Variants in MLLT10 observed in about 807,000 individuals in gnomAD.
MLLT10 encodes the protein MLLT10 histone lysine methyltransferase DOT1L cofactor.
In MLLT10, 30 loss-of-function variants were observed where a neutral mutation model predicts 129.1. The ratio of observed to expected loss-of-function variants is 0.23; its 90% confidence interval spans 0.17 to 0.32. The LOEUF (loss-of-function observed/expected upper bound fraction) is 0.32. Ranked by LOEUF, MLLT10 falls within the 10% of genes least tolerant of loss-of-function variation. MLLT10 has a pLI of 1.00. For missense variants in MLLT10, 1,119 were observed against 1,268.3 expected (o/e 0.88, Z 1.79); for synonymous variants, 490 against 446.4 (o/e 1.10, Z -1.23).
At chr10:21,606,710 A>G (rs1440399610) in intron 5 of MLLT10, among the ~76,000 whole-genome samples, 1 of 152,234 alleles carries the variant, frequency 6.6e-6, no homozygotes, top group Non-Finnish European at 1.5e-5. Flanking sequence ...TTGAATGTAT[A>G]TCTTCTCATA....
At position 21,670,881 on chromosome 10, in the gene MLLT10, A is replaced by G; in HGVS notation, c.1051+177A>G. ...TAGTGTTTCCTATTAAATTTTTTTAATAGGGACTTTTTCTTTCCTTTTATA... is the reference window on the plus strand; with the variant it reads ...TAGTGTTTCCTATTAAATTTTTTTAGTAGGGACTTTTTCTTTCCTTTTATA... On this transcript the variant is annotated intron_variant, in intron 10 of 22. Coordinates refer to ENST00000307729, the MANE Select transcript of MLLT10 (RefSeq NM_001195626.3). The G allele has an allele frequency of 7.7e-6, 5 of 650,644 alleles. No individual in the cohort carries two copies. In the East Asian group the frequency reaches 1.2e-4, roughly 16 times the overall value. The allele number at this position is 650,644 out of a possible 1,614,324, so 40.3% of individuals were successfully genotyped here.
At chr10:21,741,891 AT>A in intron 22 of MLLT10, 47 bp from the exon 23 acceptor site, 1 of 1,581,118 alleles carries the variant, frequency 6.3e-7, no homozygotes, top group Non-Finnish European at 8.6e-7. Flanking sequence ...GGAGAATATT[AT>A]CAAAAGTTGA....
intron 8 of MLLT10, among the ~76,000 whole-genome samples, chr10:21,630,800 C>T (rs945979832): frequency 2.0e-5 from 3 of 152,190 alleles, no homozygotes; most frequent in Non-Finnish European, 4.4e-5. Context: ...AGATCTTAGA[C>T]TCTTTGTAGT....
At chr10:21,738,634 T>G (rs982259541) in intron 21 of MLLT10, 1 of 904,936 alleles carries the variant, frequency 1.1e-6, no homozygotes, top group Non-Finnish European at 1.3e-6. Context: ...CCCAGATGAC[T>G]TGCATGTTTG....
chr10:21,592,524 C>T (rs538394151), intron 4 of MLLT10, among the ~76,000 whole-genome samples: 8 of 151,632 alleles, frequency 5.3e-5, no homozygotes, highest in Non-Finnish European at 1.2e-4. Context: ...GGCGCGATCT[C>T]GACTCACTGC....
chr10:21,654,361 A>G (rs1311014926), intron 9 of MLLT10, among the ~76,000 whole-genome samples: 2 of 152,238 alleles, frequency 1.3e-5, no homozygotes, highest in Admixed American at 1.3e-4. Context: ...TAATGAAATG[A>G]TAGAAAAGAC....
At chr10:21,567,177 A>G (rs907426780) in intron 3 of MLLT10, among the ~76,000 whole-genome samples, 45 of 152,112 alleles carry the variant, frequency 3.0e-4, no homozygotes, top group Non-Finnish European at 5.4e-4. Flanking sequence ...TATTGTCATG[A>G]GACTATGCAC....
At chr10:21,701,284 A>ATTTT (rs57132583) in intron 13 of MLLT10, among the ~76,000 whole-genome samples, 30 of 123,982 alleles carry the variant, frequency 2.4e-4, no homozygotes, top group African/African-American at 7.7e-4. Flanking sequence ...CATTTCATTG[A>ATTTT]TTTTTTTTTT....
chr10:21,548,292 T>C (rs934784015), intron 3 of MLLT10, among the ~76,000 whole-genome samples: 8 of 152,178 alleles, frequency 5.3e-5, no homozygotes, highest in African/African-American at 1.9e-4. Context: ...AACTTTTCTT[T>C]TCCTAGAACT....
Position 21,651,659 on chromosome 10 carries a change from A to G in MLLT10, c.700-14A>G, listed in dbSNP as rs776474833. On this transcript the variant is annotated splice_polypyrimidine_tract_variant and intron_variant, in intron 8 of 22. Transcript: ENST00000307729. The stretch of plus-strand genomic sequence containing the variant: ...GTTAAATTAAAATTGGATTTTACTT[A>G]TATTCGTTTTTAGAAATATAAAGAG... 1 of 1,593,254 alleles carries G rather than the reference A, an allele frequency of 6.3e-7. No homozygotes were observed. Among genetic ancestry groups the G allele is most frequent in the Non-Finnish European group, 8.6e-7 (1 of 1,163,846 alleles).
chr10:21,589,914 C>CCCCTTCCCCTTT (rs1220865169), intron 4 of MLLT10, among the ~76,000 whole-genome samples: 1 of 151,890 alleles, frequency 6.6e-6, no homozygotes, highest in Non-Finnish European at 1.5e-5. Context: ...CCTTCCCCTT[C>CCCCTTCCCCTTT]CCCTTCCCCT....
intron 4 of MLLT10, among the ~76,000 whole-genome samples, chr10:21,594,881 AAT>A (rs2042895978): frequency 1.3e-5 from 2 of 152,190 alleles, no homozygotes; most frequent in African/African-American, 2.4e-5. Flanking sequence ...TTCAAATTAA[AAT>A]AGTGAAATGA....
At chr10:21,741,449 CCTG>C (rs1204217019) in intron 22 of MLLT10, among the ~76,000 whole-genome samples, 6 of 152,104 alleles carry the variant, frequency 3.9e-5, no homozygotes, top group Non-Finnish European at 7.4e-5. Flanking sequence ...TGCTTAGTAC[CCTG>C]CTATGTGCCA....
chr10:21,624,637 A>G, intron 8 of MLLT10: 2 of 1,461,440 alleles, frequency 1.4e-6, no homozygotes, highest in South Asian at 2.7e-5. Context: ...CCTGGTTGTC[A>G]TTATTGTAAC....
At chr10:21,696,310 A>T (rs1248607961) in intron 13 of MLLT10, among the ~76,000 whole-genome samples, 3 of 150,722 alleles carry the variant, frequency 2.0e-5, no homozygotes, top group Admixed American at 1.3e-4. Flanking sequence ...TTTAGGTAAT[A>T]TTTTTTTTCC....
intron 13 of MLLT10, among the ~76,000 whole-genome samples, chr10:21,689,999 T>C (rs1564653206): frequency 6.6e-6 from 1 of 152,038 alleles, no homozygotes; most frequent in Non-Finnish European, 1.5e-5. Flanking sequence ...ATTCATTTAC[T>C]AACACAATAT....
intron 2 of MLLT10, 26 bp downstream of exon 2, chr10:21,534,830 C>G: frequency 1.3e-6 from 2 of 1,556,562 alleles, no homozygotes; most frequent in Non-Finnish European, 1.7e-6. Context: ...CCCGCCGGGG[C>G]GCGCCGGCCT....
chr10:21,642,668 AAAAAG>A (rs1327187859), intron 8 of MLLT10, among the ~76,000 whole-genome samples: 2 of 151,972 alleles, frequency 1.3e-5, no homozygotes, highest in African/African-American at 4.8e-5. Context: ...AAAAAAAAAA[AAAAAG>A]AAAAGAAAAA....
intron 7 of MLLT10, 88 bp downstream of exon 7, chr10:21,615,012 G>C (rs2045087018): frequency 9.2e-7 from 1 of 1,082,020 alleles, no homozygotes. Context: ...GCATATAACA[G>C]TTCCTTTTTC....
Sources: allele counts gnomAD v4.1 joint callset (sites outside exome capture counted in the v4.1 genomes callset), GRCh38; gene constraint gnomAD v4.1.1; transcripts MANE v1.5; gene names NCBI Gene and HGNC (gene_info 2026-07-23, HGNC 2026-07-21).